DNAH14: variants seen among roughly 807,000 people sequenced by gnomAD.
The protein encoded by DNAH14 is dynein axonemal heavy chain 14.
Under a neutral mutation model 520.9 loss-of-function variants are expected in DNAH14, and 478 were observed. The ratio of observed to expected loss-of-function variants is 0.92; its 90% confidence interval spans 0.85 to 0.99. The LOEUF (loss-of-function observed/expected upper bound fraction) is 0.99, where lower values mean the gene tolerates loss of function less well. Among genes scored for constraint, DNAH14 ranks in the 50% least tolerant of loss-of-function variants. DNAH14 has a pLI of 0.00. For missense variants in DNAH14, 4,831 were observed against 5,234.5 expected (o/e 0.92, Z 2.38); for synonymous variants, 1,581 against 1,757.2 (o/e 0.90, Z 2.51).
At chr1:225,137,927 G>A (rs757974396) in intron 27 of DNAH14, among the ~76,000 whole-genome samples, 6 of 152,162 alleles carry the variant, frequency 3.9e-5, no homozygotes, top group South Asian at 2.1e-4. Flanking sequence ...TCTCCCTCCC[G>A]GGAAGAGATC....
Position 225,335,252 on chromosome 1 carries a change from A to G in DNAH14, c.10080+1746A>G, listed in dbSNP as rs552627790. Reference sequence around the variant, plus strand: ...ATATACACATGTGTACATTGTGTGTATATGCACATATACACGTGTACATTG... The same window carrying G: ...ATATACACATGTGTACATTGTGTGTGTATGCACATATACACGTGTACATTG... On this transcript the variant is annotated intron_variant, in intron 66 of 85. Coordinates refer to ENST00000682510, the MANE Select transcript of DNAH14 (RefSeq NM_001367479.1). Among the ~76,000 whole-genome samples, 16 of 133,990 alleles carry G rather than the reference A, an allele frequency of 1.2e-4. 1 individual carries two copies. The highest frequency in any genetic ancestry group is 2.3e-4 in the Non-Finnish European group (14 of 61,834). The allele number at this position is 133,990 out of a possible 152,430, so 87.9% of individuals were successfully genotyped here.
At chr1:224,988,643 A>T (rs892292644) in intron 8 of DNAH14, among the ~76,000 whole-genome samples, 22 of 152,178 alleles carry the variant, frequency 1.4e-4, no homozygotes, top group African/African-American at 5.1e-4. Context: ...AATATAAATC[A>T]TTCTATTACA....
chr1:225,354,137 T>G, intron 73 of DNAH14: 1 of 703,982 alleles, frequency 1.4e-6, no homozygotes, highest in Non-Finnish European at 2.6e-6. Flanking sequence ...GGAGGACTCA[T>G]AGCCCTGTCC....
chr1:224,989,270 C>G (rs576088516), intron 8 of DNAH14, among the ~76,000 whole-genome samples: 29 of 152,210 alleles, frequency 1.9e-4, no homozygotes, highest in African/African-American at 6.7e-4. Context: ...AGTTGACACA[C>G]AAAATTAATC....
rs372742702 is a variant in DNAH14 at position 224,940,384 on chromosome 1, C to T, written c.-34+10549C>T. On this transcript the variant is annotated intron_variant, in intron 1 of 85. Coordinates refer to ENST00000682510, the MANE Select transcript of DNAH14 (RefSeq NM_001367479.1). ...CCCCACTTTTTGATGAGTGGAGTAG[C>T]ATCCATGTATATCAATCAATTAATG... Among the ~76,000 whole-genome samples the T allele has an allele frequency of 2.0e-5, 3 of 152,146 alleles. No individual in the cohort carries two copies. In the East Asian group the frequency reaches 5.8e-4, roughly 29 times the overall value.
intron 55 of DNAH14, among the ~76,000 whole-genome samples, chr1:225,293,113 G>A (rs1208074380): frequency 2.0e-5 from 3 of 151,978 alleles, no homozygotes; most frequent in Admixed American, 6.6e-5. Flanking sequence ...AAATCAAAAC[G>A]ACAATAAGAT....
chr1:225,140,622 C>T (rs1440216014), intron 27 of DNAH14, 146 bp from the exon 28 acceptor site: 2 of 639,132 alleles, frequency 3.1e-6, no homozygotes, highest in Non-Finnish European at 5.0e-6. Context: ...CAAATACACA[C>T]AAATGTGTAA....
chr1:225,347,072 A>G (rs1481131212), intron 71 of DNAH14, among the ~76,000 whole-genome samples: 1 of 152,210 alleles, frequency 6.6e-6, no homozygotes, highest in Non-Finnish European at 1.5e-5. Flanking sequence ...AAATGTTTCT[A>G]TGTTGTATTT....
chr1:225,129,803 C>A (rs1331931859), intron 27 of DNAH14, among the ~76,000 whole-genome samples: 2 of 152,050 alleles, frequency 1.3e-5, no homozygotes, highest in Non-Finnish European at 2.9e-5. Context: ...GCAACCAAAG[C>A]CAAAATTGAC....
intron 43 of DNAH14, among the ~76,000 whole-genome samples, chr1:225,247,043 G>A (rs2092324980): frequency 6.6e-6 from 1 of 152,222 alleles, no homozygotes; most frequent in Non-Finnish European, 1.5e-5. Context: ...ATACTATGCA[G>A]CCATAAAAAA....
At chr1:225,243,616 T>C (rs757835715) in intron 43 of DNAH14, among the ~76,000 whole-genome samples, 2 of 152,030 alleles carry the variant, frequency 1.3e-5, no homozygotes, top group Non-Finnish European at 1.5e-5. Flanking sequence ...GAACAACATG[T>C]AGAAATTTTA....
chr1:225,054,351 C>A (rs1205335725), intron 17 of DNAH14, among the ~76,000 whole-genome samples: 1 of 151,932 alleles, frequency 6.6e-6, no homozygotes, highest in Non-Finnish European at 1.5e-5. Flanking sequence ...TAAAAGTGAC[C>A]AGAGGACTTT....
intron 41 of DNAH14, among the ~76,000 whole-genome samples, chr1:225,224,015 C>T (rs1022439247): frequency 3.9e-5 from 6 of 152,120 alleles, no homozygotes; most frequent in Non-Finnish European, 8.8e-5. Flanking sequence ...TTTTCCTCCC[C>T]TTGGAAATAT....
intron 77 of DNAH14, among the ~76,000 whole-genome samples, chr1:225,370,679 T>G (rs1274873052): frequency 6.6e-6 from 1 of 151,666 alleles, no homozygotes; most frequent in Non-Finnish European, 1.5e-5. Context: ...GAAATAAATA[T>G]CCATCTTAAG....
At chr1:225,241,160 T>A (rs2091940140) in intron 43 of DNAH14, among the ~76,000 whole-genome samples, 1 of 151,028 alleles carries the variant, frequency 6.6e-6, no homozygotes, top group South Asian at 2.1e-4. Context: ...CATAATATTA[T>A]AGTCTTATAT....
chr1:225,106,546 A>G (rs2076064325), intron 23 of DNAH14, among the ~76,000 whole-genome samples: 1 of 152,130 alleles, frequency 6.6e-6, no homozygotes, highest in South Asian at 2.1e-4. Flanking sequence ...GTCTTTTCAC[A>G]TAGTCCCATA....
intron 64 of DNAH14, among the ~76,000 whole-genome samples, chr1:225,328,999 A>G (rs1374530126): frequency 6.6e-6 from 1 of 152,224 alleles, no homozygotes; most frequent in Non-Finnish European, 1.5e-5. Context: ...GCATCTTAAA[A>G]AAAGAGAAAT....
intron 84 of DNAH14, among the ~76,000 whole-genome samples, chr1:225,394,470 CCTAAA>C (rs2095975232): frequency 6.6e-6 from 1 of 152,054 alleles, no homozygotes; most frequent in African/African-American, 2.4e-5. Flanking sequence ...CTTTGCCTAC[CCTAAA>C]CTAAGTTCAT....
chr1:225,074,161 G>A (rs886472292), intron 17 of DNAH14, among the ~76,000 whole-genome samples: 10 of 151,222 alleles, frequency 6.6e-5, no homozygotes, highest in African/African-American at 1.5e-4. Context: ...CACTACGCCC[G>A]GCTAATTTTT....
Sources: allele counts gnomAD v4.1 joint callset (sites outside exome capture counted in the v4.1 genomes callset), GRCh38; gene constraint gnomAD v4.1.1; transcripts MANE v1.5; gene names NCBI Gene and HGNC (gene_info 2026-07-23, HGNC 2026-07-21).